Variants in RFX1 observed in about 807,000 individuals in gnomAD.
RFX1 encodes the protein regulatory factor X1, also known as MHC class II regulatory factor RFX1.
A neutral mutation model predicts 119.6 loss-of-function variants in RFX1; 42 were observed. The observed-to-expected ratio is 0.35, with a 90% CI of 0.27 to 0.45. RFX1 has a LOEUF of 0.45. RFX1 is among the 20% of genes least tolerant of loss of function. The probability of loss-of-function intolerance (pLI) is 1.00; values close to 1 mark genes in which losing one functional copy is unlikely to be tolerated. For missense variants in RFX1, 1,118 were observed against 1,368.1 expected, an observed-to-expected ratio of 0.82 and a Z score of 2.88; for synonymous variants, 628 against 618.5, an observed-to-expected ratio of 1.02 and a Z score of -0.23.
Position 13,962,793 on chromosome 19 carries a change from C to T in RFX1, c.2842G>A (p.Glu948Lys). 1 of 1,529,078 alleles carries T rather than the reference C, an allele frequency of 6.5e-7. No individual in the cohort carries two copies. Among genetic ancestry groups the T allele is most frequent in the Non-Finnish European group, 8.8e-7 (1 of 1,142,750 alleles). 94.7% of individuals were successfully genotyped at this position (1,529,078 alleles called of 1,614,324 possible). The stretch of plus-strand genomic sequence containing the variant: ...GTCTCCGGGCCCAGCGCGGGTGACT[C>T]GCCGCCAGCCGCCAGTGAGATGTCC... ...PQDISLAAGG[E>K]SPALGPETLE... Residue 948 changes from glutamate (E) to lysine (K), a missense_variant, in exon 21 of 21, where the codon GAG becomes AAG. Transcript: ENST00000254325.
At chr19:13,983,628 T>C in intron 2 of RFX1, 33 bp from the exon 3 acceptor site, 2 of 1,519,614 alleles carry the variant, frequency 1.3e-6, no homozygotes, top group Non-Finnish European at 1.8e-6. Context: ...CAGTTCTTCC[T>C]GCTTTCCCTG....
intron 8 of RFX1, among the ~76,000 whole-genome samples, chr19:13,976,789 C>A (rs950946234): frequency 6.7e-6 from 1 of 150,256 alleles, no homozygotes; most frequent in African/African-American, 2.5e-5. Flanking sequence ...TCATTTAAGT[C>A]CAAGAGTTCG....
intron 8 of RFX1, among the ~76,000 whole-genome samples, chr19:13,975,874 GA>G (rs1974241678): frequency 6.6e-6 from 1 of 152,276 alleles, no homozygotes; most frequent in Non-Finnish European, 1.5e-5. Flanking sequence ...GGGAGAGACA[GA>G]AGGGGTGGGC....
intron 5 of RFX1, among the ~76,000 whole-genome samples, chr19:13,981,152 G>A (rs565515345): frequency 5.3e-5 from 8 of 152,372 alleles, no homozygotes; most frequent in African/African-American, 7.2e-5. Context: ...GGCTGCAGGC[G>A]ATGAGGCACA....
In RFX1 at chr19:13,970,661, C is replaced by CAAAAAAAAA. The variant is rs1167910642; in HGVS notation, c.1315-495_1315-487dup. Among the ~76,000 whole-genome samples, 7 of 25,828 alleles carry CAAAAAAAAA rather than the reference C, an allele frequency of 2.7e-4. 2 individuals carry two copies. Among genetic ancestry groups the CAAAAAAAAA allele is most frequent in the Non-Finnish European group, 4.6e-4 (6 of 13,140 alleles). 16.9% of individuals were successfully genotyped at this position (25,828 alleles called of 152,430 possible). ...GCCTGGATACAGTGAGACCTTGTCT[C>CAAAAAAAAA]AAAAAAAAAAAAAAAAAAAAAAAAA... On this transcript the variant is annotated intron_variant, in intron 9 of 20. Transcript: ENST00000254325.
intron 6 of RFX1, among the ~76,000 whole-genome samples, chr19:13,979,803 G>T (rs1974371236): frequency 6.6e-6 from 1 of 152,148 alleles, no homozygotes; most frequent in Admixed American, 6.6e-5. Flanking sequence ...CTGAAGCTGT[G>T]CCAAGAACCC....
At chr19:13,979,956 G>A (rs1000837295) in intron 6 of RFX1, among the ~76,000 whole-genome samples, 5 of 152,156 alleles carry the variant, frequency 3.3e-5, no homozygotes, top group Admixed American at 6.6e-5. Context: ...GGTGCTGAGT[G>A]GAGGAGCTGG....
intron 20 of RFX1, 65 bp from the exon 21 acceptor site, chr19:13,962,929 C>G (rs1212935651): frequency 3.9e-6 from 6 of 1,546,220 alleles, no homozygotes; most frequent in Non-Finnish European, 5.2e-6. Flanking sequence ...CCTCCTCCTC[C>G]CGAGCCCCTC....
chr19:13,978,879 GAGC>G (rs1974340497), intron 7 of RFX1, among the ~76,000 whole-genome samples: 1 of 152,078 alleles, frequency 6.6e-6, no homozygotes, highest in Admixed American at 6.5e-5. Flanking sequence ...GCTGCGGCAG[GAGC>G]AGGTGTGGGG....
In RFX1 at chr19:13,968,668, G is replaced by C. The variant is rs1973980063; in HGVS notation, c.1629C>G (p.Ile543Met). Residue 543 changes from isoleucine to methionine, a missense_variant, in exon 12 of 21, where the codon ATC becomes ATG. Ile to Met is a conservative substitution (Grantham distance 10). Transcript: ENST00000254325. The surrounding 1 kb of genome is among the most constrained non-coding windows in gnomAD (Gnocchi z 5.5). ...CGTTGGTCATGCCTTCCATCTTCTG[G>C]ATGGGCTTGAGCCTGGAGTAGAATG... ...PFSQKQRLKP[I>M]QKMEGMTNGV... 2 of 1,613,026 alleles carry C rather than the reference G, an allele frequency of 1.2e-6. No homozygotes were observed. The highest frequency in any genetic ancestry group is 2.7e-5 in the African/African-American group (2 of 74,958).
intron 16 of RFX1, among the ~76,000 whole-genome samples, chr19:13,964,942 T>C (rs984969208): frequency 6.6e-6 from 1 of 152,226 alleles, no homozygotes. Flanking sequence ...GCATCTACTG[T>C]CTCCAAAGGC....
intron 12 of RFX1, among the ~76,000 whole-genome samples, chr19:13,967,068 A>C (rs13382047): frequency 0.063 from 9,519 of 152,260 alleles, 994 homozygotes; most frequent in African/African-American, 0.21. Flanking sequence ...ATGGGTAGGC[A>C]CCCAGGGCAC....
intron 2 of RFX1, 56 bp downstream of exon 2, chr19:13,993,469 A>C (rs1192603455): frequency 6.5e-7 from 1 of 1,536,720 alleles, no homozygotes; most frequent in East Asian, 2.3e-5. Flanking sequence ...CCCAGGGTCT[A>C]GGCTATCTGA....
In RFX1 at chr19:13,966,797, GC is replaced by G. The variant is rs548977585; in HGVS notation, c.1733-47del. 2.2e-3 allele frequency: 2,971 copies of G among 1,347,128 alleles called. 16 individuals carry two copies. Among genetic ancestry groups the G allele is most frequent in the Middle Eastern group, 0.016 (80 of 5,032 alleles). The allele number at this position is 1,347,128 out of a possible 1,614,324, so 83.4% of individuals were successfully genotyped here. On this transcript the variant is annotated intron_variant, in intron 12 of 20. Coordinates refer to ENST00000254325, the MANE Select transcript of RFX1 (RefSeq NM_002918.5). The surrounding 1 kb of genome is among the most constrained non-coding windows in gnomAD (Gnocchi z 6.3). ...GTGAGGCCCTTCATCCCCCTTGCCT[GC>G]CCACCCTGGGGTCCTACTGACCTGT... is the stretch of plus-strand genomic sequence containing the variant.
Position 13,963,719 on chromosome 19 carries a change from C to T in RFX1, c.2389G>A (p.Glu797Lys), listed in dbSNP as rs1257671602. The T allele has an allele frequency of 2.5e-6, 4 of 1,599,862 alleles. No homozygotes were observed. In the African/African-American group the frequency reaches 5.4e-5, roughly 21 times the overall value. ...TCCAGCCGCTGCACCACGCGGTCCT[C>T]GCAGCGGCACACCCACGAGGCCTGC... ...QEQASWVCRC[E>K]DRVVQRLEQD... The change falls in exon 18 of 21, where the codon GAG (glutamate) becomes AAG (lysine). Residue 797 changes from glutamate (E) to lysine (K), a missense_variant. Glu to Lys is a moderately conservative substitution (Grantham distance 56, BLOSUM62 1). Coordinates refer to ENST00000254325, the MANE Select transcript of RFX1 (RefSeq NM_002918.5).
At position 13,966,544 on chromosome 19, in the gene RFX1, G is replaced by A. The variant is rs777091603; in HGVS notation, c.1852-14C>T. On this transcript the variant is annotated splice_polypyrimidine_tract_variant and intron_variant, in intron 13 of 20. Transcript: ENST00000254325. This position sits in a 1 kb window ranked among gnomAD's most constrained non-coding sequence, Gnocchi z 6.3. ...GTCGACAATGGCCTGTGGCAGAGGC[G>A]GATGCTCAGGGAGGCTGGGGGGCAG... 8.7e-5 allele frequency: 134 copies of A among 1,545,760 alleles called. No individual in the cohort carries two copies. In the South Asian group the frequency reaches 1.2e-3, roughly 13 times the overall value.
At chr19:13,973,319 A>G (rs774192770) in intron 8 of RFX1, among the ~76,000 whole-genome samples, 192 bp from the exon 9 acceptor site, 25 of 152,132 alleles carry the variant, frequency 1.6e-4, no homozygotes, top group Non-Finnish European at 2.9e-4. Context: ...GCAGTATTTC[A>G]TATAATCATC....
Position 13,990,957 on chromosome 19 carries a change from C to T in RFX1, c.319+2568G>A, listed in dbSNP as rs1359496066. ...TTGCACCATTGCACTCCAGCCTGGG[C>T]GACAGAGCAAGACCCTGTCTCAAAA... On this transcript the variant is annotated intron_variant, in intron 2 of 20. Transcript: ENST00000254325. The surrounding 1 kb of genome is among the most constrained non-coding windows in gnomAD (Gnocchi z 4.1). Among the ~76,000 whole-genome samples the T allele has an allele frequency of 6.6e-5, 10 of 152,020 alleles. No homozygotes were observed. Among genetic ancestry groups the T allele is most frequent in the African/African-American group, 1.7e-4 (7 of 41,384 alleles).
chr19:13,978,942 G>A (rs1974342815), intron 7 of RFX1, among the ~76,000 whole-genome samples: 1 of 151,804 alleles, frequency 6.6e-6, no homozygotes, highest in African/African-American at 2.4e-5. Flanking sequence ...GCTCGTAATG[G>A]GGCGGCGGCG....
Sources: allele counts gnomAD v4.1 joint callset (sites outside exome capture counted in the v4.1 genomes callset), GRCh38; gene constraint gnomAD v4.1.1; non-coding constraint Gnocchi (gnomAD v3.1); transcripts MANE v1.5; gene names NCBI Gene and HGNC (gene_info 2026-07-23, HGNC 2026-07-21).